Variants in ZBTB20 observed in about 807,000 individuals in gnomAD.
ZBTB20 encodes the protein zinc finger and BTB domain containing 20.
ZBTB20 carries 9 observed loss-of-function variants against 56.9 expected under a neutral mutation model. That is an observed-to-expected ratio of 0.16 (90% confidence interval 0.10 to 0.28). ZBTB20 has a LOEUF of 0.28. ZBTB20 is among the 10% of genes least tolerant of loss of function. The pLI is 1.00. For missense variants in ZBTB20, 655 were observed against 1,003.0 expected (o/e 0.65, Z 4.69); for synonymous variants, 417 against 420.7 (o/e 0.99, Z 0.11).
In ZBTB20 at chr3:114,380,344, C is replaced by G. The variant is rs577655760; in HGVS notation, c.72G>C (p.Pro24=). ...GGCCCGGCTTGGCGCTGGATCCACC[C>G]GGCTGAGTAATCTCATTCTCCTCAG... is the stretch of plus-strand genomic sequence containing the variant. The part of the protein sequence containing the change: ...KASEENEITQ[P]GGSSAKPGLP... The change falls in exon 10 of 12, where the codon CCG becomes CCC. Residue 24 remains proline, a synonymous_variant. Coordinates refer to ENST00000675478, the MANE Select transcript of ZBTB20 (RefSeq NM_001348800.3). 4 of 1,537,166 alleles carry G rather than the reference C, an allele frequency of 2.6e-6. No individual in the cohort carries two copies. The highest frequency in any genetic ancestry group is 1.2e-5 in the South Asian group (1 of 84,054).
At chr3:114,652,413 T>C (rs2060184434) in intron 6 of ZBTB20, among the ~76,000 whole-genome samples, 1 of 152,068 alleles carries the variant, frequency 6.6e-6, no homozygotes, top group African/African-American at 2.4e-5. Context: ...ACTTTCCACA[T>C]TTGGGTGCTT....
intron 6 of ZBTB20, among the ~76,000 whole-genome samples, chr3:114,512,081 TA>T (rs1358324727): frequency 1.3e-5 from 2 of 152,106 alleles, no homozygotes; most frequent in African/African-American, 4.8e-5. Flanking sequence ...GTTAGACCAA[TA>T]CAGTATGTCC....
At chr3:114,704,449 T>A (rs2063589558) in intron 5 of ZBTB20, among the ~76,000 whole-genome samples, 2 of 152,132 alleles carry the variant, frequency 1.3e-5, no homozygotes, top group Non-Finnish European at 2.9e-5. Flanking sequence ...TGTATGAATG[T>A]ATGCTAGTGA....
chr3:114,946,315 TTC>T (rs2076885691), intron 3 of ZBTB20, among the ~76,000 whole-genome samples: 1 of 145,800 alleles, frequency 6.9e-6, no homozygotes, highest in Non-Finnish European at 1.5e-5. Context: ...ATAGAATATC[TTC>T]TCTGACCGTA....
chr3:115,106,070 C>T (rs1445117187), intron 1 of ZBTB20, among the ~76,000 whole-genome samples: 1 of 152,104 alleles, frequency 6.6e-6, no homozygotes, highest in East Asian at 1.9e-4. Context: ...CCCACCTCAG[C>T]CTCCCAAAGT....
chr3:114,674,985 G>C (rs1400421112), intron 6 of ZBTB20, among the ~76,000 whole-genome samples: 1 of 150,746 alleles, frequency 6.6e-6, no homozygotes, highest in Non-Finnish European at 1.5e-5. Context: ...CTCTAGTAGA[G>C]AGCAAATCGA....
intron 7 of ZBTB20, among the ~76,000 whole-genome samples, chr3:114,481,790 C>T (rs2041580408): frequency 6.6e-6 from 1 of 152,164 alleles, no homozygotes; most frequent in African/African-American, 2.4e-5. Flanking sequence ...GCTATTGATG[C>T]CCAGAGGCCT....
intron 7 of ZBTB20, among the ~76,000 whole-genome samples, chr3:114,451,554 C>T (rs2091608206): frequency 6.6e-6 from 1 of 152,006 alleles, no homozygotes; most frequent in South Asian, 2.1e-4. Flanking sequence ...ATCAACAGAA[C>T]AAAAACAAAG....
chr3:114,405,855 T>G (rs529610955), intron 7 of ZBTB20, among the ~76,000 whole-genome samples: 1 of 152,230 alleles, frequency 6.6e-6, no homozygotes, highest in South Asian at 2.1e-4. Flanking sequence ...GGGGATAGTT[T>G]AGGAAGCTTT....
chr3:115,084,742 T>A (rs977857838), intron 1 of ZBTB20, among the ~76,000 whole-genome samples: 1 of 151,922 alleles, frequency 6.6e-6, no homozygotes, highest in African/African-American at 2.4e-5. Context: ...GTCCCAAGAA[T>A]CCACTGACAT....
At chr3:115,146,812 G>A (rs1289740252) in intron 1 of ZBTB20, among the ~76,000 whole-genome samples, 2 of 152,180 alleles carry the variant, frequency 1.3e-5, no homozygotes. Context: ...CCTCTTCTTG[G>A]AAGCAGCGGC....
At chr3:114,457,470 T>C (rs548698125) in intron 7 of ZBTB20, among the ~76,000 whole-genome samples, 1 of 152,276 alleles carries the variant, frequency 6.6e-6, no homozygotes, top group South Asian at 2.1e-4. Flanking sequence ...GGATCTAATA[T>C]ACAGATCTCT....
chr3:114,955,713 C>T (rs1576417466), intron 3 of ZBTB20, among the ~76,000 whole-genome samples: 1 of 152,164 alleles, frequency 6.6e-6, no homozygotes, highest in Non-Finnish European at 1.5e-5. Context: ...ACAACTGCCA[C>T]TCCATCACCT....
At chr3:114,633,862 CT>C (rs1419159376) in intron 6 of ZBTB20, among the ~76,000 whole-genome samples, 3 of 152,124 alleles carry the variant, frequency 2.0e-5, no homozygotes, top group African/African-American at 7.2e-5. Context: ...ATTTCTTCCA[CT>C]TCAAAAATAA....
At chr3:115,011,945 T>G (rs1010339975) in intron 2 of ZBTB20, among the ~76,000 whole-genome samples, 1 of 151,876 alleles carries the variant, frequency 6.6e-6, no homozygotes, top group African/African-American at 2.4e-5. Flanking sequence ...CTTAGTTTTC[T>G]ATTTGCCTGT....
At chr3:115,022,901 A>AT (rs1389995908) in intron 2 of ZBTB20, among the ~76,000 whole-genome samples, 1 of 151,010 alleles carries the variant, frequency 6.6e-6, no homozygotes, top group Admixed American at 6.6e-5. Context: ...TCTGATATGT[A>AT]TTTTCCATTC....
At chr3:115,136,528 G>A (rs981548108) in intron 1 of ZBTB20, among the ~76,000 whole-genome samples, 1 of 151,860 alleles carries the variant, frequency 6.6e-6, no homozygotes, top group Non-Finnish European at 1.5e-5. Context: ...AAGAATTTAA[G>A]TTATAAGTTA....
At chr3:114,703,468 T>C (rs1407525107) in intron 5 of ZBTB20, among the ~76,000 whole-genome samples, 3 of 151,052 alleles carry the variant, frequency 2.0e-5, no homozygotes, top group African/African-American at 4.8e-5. Flanking sequence ...GCTAGGGAAA[T>C]AGATGAGGTT....
At chr3:115,123,725 T>G (rs1250977182) in intron 1 of ZBTB20, among the ~76,000 whole-genome samples, 2 of 152,232 alleles carry the variant, frequency 1.3e-5, no homozygotes, top group African/African-American at 4.8e-5. Context: ...AAGGCACTTG[T>G]ACATATTTCT....
Sources: allele counts gnomAD v4.1 joint callset (sites outside exome capture counted in the v4.1 genomes callset), GRCh38; gene constraint gnomAD v4.1.1; transcripts MANE v1.5; gene names NCBI Gene and HGNC (gene_info 2026-07-23, HGNC 2026-07-21).